Variants in RNASE10 observed in about 807,000 individuals in gnomAD.
RNASE10 encodes ribonuclease A family member 10 (inactive).
Under a neutral mutation model 1.1 loss-of-function variants are expected in RNASE10, and 2 were observed. That is an observed-to-expected ratio of 1.82 (90% CI 0.74 to 5.73). The LOEUF (loss-of-function observed/expected upper bound fraction) is 5.73, where lower values mean the gene tolerates loss of function less well. RNASE10 is among the 30% of genes most tolerant of loss of function. The pLI is 0.05. For synonymous variants in RNASE10, 97 were observed against 96.2 expected (o/e 1.01, Z -0.05); for missense variants, 276 against 263.4 (o/e 1.05, Z -0.33).
chr14:20,507,787 G>A (rs1443454936), intron 1 of RNASE10, among the ~76,000 whole-genome samples: 1 of 151,570 alleles, frequency 6.6e-6, no homozygotes, highest in Non-Finnish European at 1.5e-5. Flanking sequence ...CACTCCGGTT[G>A]CCCAGGCTGG....
chr14:20,510,570 C>A (rs1313458422), exon 2 of RNASE10: 10 of 1,614,070 alleles, frequency 6.2e-6, no homozygotes, highest in Non-Finnish European at 8.5e-6. Context: ...CTACAGCAGT[C>A]TTGGAGGAGA....
chr14:20,509,068 ATC>A (rs1882830097), intron 1 of RNASE10, among the ~76,000 whole-genome samples: 1 of 151,342 alleles, frequency 6.6e-6, no homozygotes, highest in Admixed American at 6.6e-5. Context: ...TCTCCTTAGG[ATC>A]TTCTTTTTTT....
At chr14:20,508,558 A>G (rs983359824) in intron 1 of RNASE10, among the ~76,000 whole-genome samples, 1 of 152,124 alleles carries the variant, frequency 6.6e-6, no homozygotes, top group Non-Finnish European at 1.5e-5. Context: ...TTTACCTAGT[A>G]ATAGCCGCAA....
chr14:20,510,888 A>C (rs1360568310), exon 2 of RNASE10: 1 of 1,614,186 alleles, frequency 6.2e-7, no homozygotes, highest in East Asian at 2.2e-5. Context: ...CCCAGTATGC[A>C]TTCATCCATG....
At chr14:20,507,657 A>C (rs1882787110) in intron 1 of RNASE10, among the ~76,000 whole-genome samples, 1 of 151,944 alleles carries the variant, frequency 6.6e-6, no homozygotes, top group African/African-American at 2.4e-5. Flanking sequence ...CTTTACAAAC[A>C]AATGTGATAA....
At chr14:20,513,612 T>C (rs76650365), downstream of RNASE10, among the ~76,000 whole-genome samples, 29 of 152,348 alleles carry the variant, frequency 1.9e-4, no homozygotes, top group East Asian at 5.2e-3. Flanking sequence ...AGATTGACAA[T>C]GTGAGGCTAT....
At chr14:20,511,914 G>A (rs1202326674), downstream of RNASE10, among the ~76,000 whole-genome samples, 1 of 151,516 alleles carries the variant, frequency 6.6e-6, no homozygotes, top group African/African-American at 2.4e-5. Flanking sequence ...GATCCTTTTA[G>A]AGATTCAGTC....
chr14:20,513,525 C>T (rs1210381286), downstream of RNASE10, among the ~76,000 whole-genome samples: 2 of 152,134 alleles, frequency 1.3e-5, no homozygotes, highest in African/African-American at 2.4e-5. Context: ...TCTACAGTAC[C>T]CAAATCTCTG....
At chr14:20,510,355 A>C (rs1173114289) in intron 1 of RNASE10, 112 bp from the exon 2 acceptor site, 1 of 1,473,468 alleles carries the variant, frequency 6.8e-7, no homozygotes, top group East Asian at 2.3e-5. Flanking sequence ...AATGTGCAGA[A>C]GACACAGGAG....
chr14:20,509,737 T>C (rs1452137758), intron 1 of RNASE10, among the ~76,000 whole-genome samples: 1 of 152,194 alleles, frequency 6.6e-6, no homozygotes, highest in African/African-American at 2.4e-5. Flanking sequence ...ACAATAAGGC[T>C]TTCTACAAGA....
At chr14:20,511,034 C>T (rs1882887173) in exon 2 of RNASE10, 1 of 1,554,428 alleles carries the variant, frequency 6.4e-7, no homozygotes, top group Non-Finnish European at 8.7e-7. Flanking sequence ...CAGGTCACTC[C>T]TAACTGCAAT....
chr14:20,510,343 G>C (rs931430411), intron 1 of RNASE10, 124 bp from the exon 2 acceptor site: 26 of 1,406,626 alleles, frequency 1.8e-5, no homozygotes, highest in Non-Finnish European at 2.1e-5. Flanking sequence ...AGAGGGTAGA[G>C]TAATGTGCAG....
chr14:20,506,271 A>G (rs1337567850), intron 1 of RNASE10, among the ~76,000 whole-genome samples: 1 of 117,582 alleles, frequency 8.5e-6, no homozygotes, highest in East Asian at 2.5e-4. Context: ...GGAAGTGAGG[A>G]GCCCATCTGC....
downstream of RNASE10, among the ~76,000 whole-genome samples, chr14:20,513,178 G>T (rs9788462): frequency 0.45 from 67,712 of 151,888 alleles, 17,688 homozygotes; most frequent in Non-Finnish European, 0.6. Flanking sequence ...TTCACTTTGG[G>T]CAAATCTCAG....
At chr14:20,510,166 A>T (rs1188513066) in intron 1 of RNASE10, among the ~76,000 whole-genome samples, 1 of 151,548 alleles carries the variant, frequency 6.6e-6, no homozygotes, top group East Asian at 1.9e-4. Flanking sequence ...AACTTTCCTC[A>T]CTGATTTCCC....
At chr14:20,506,266 T>G (rs1594439435) in intron 1 of RNASE10, among the ~76,000 whole-genome samples, 1 of 108,882 alleles carries the variant, frequency 9.2e-6, no homozygotes, top group Admixed American at 9.0e-5. Flanking sequence ...TACTGGGAAG[T>G]GAGGAGCCCA....
chr14:20,506,314 G>T (rs1257883661), intron 1 of RNASE10, among the ~76,000 whole-genome samples: 19 of 128,168 alleles, frequency 1.5e-4, no homozygotes, highest in East Asian at 4.5e-4. Flanking sequence ...AGGGAGGTGG[G>T]GGGGGTCAGC....
At chr14:20,506,425 G>A (rs1190149163) in intron 1 of RNASE10, among the ~76,000 whole-genome samples, 5 of 129,782 alleles carry the variant, frequency 3.9e-5, no homozygotes, top group South Asian at 5.2e-4. Context: ...CAGCCGTCCC[G>A]TCCGGGAGGG....
chr14:20,506,378 C>A (rs1176116728), intron 1 of RNASE10, among the ~76,000 whole-genome samples: 1 of 127,558 alleles, frequency 7.8e-6, no homozygotes, highest in South Asian at 2.7e-4. Flanking sequence ...TCTGCCCGGC[C>A]GCCCCTACTG....
Sources: gnomAD v4.1 joint callset for allele counts (sites outside exome capture counted in the v4.1 genomes callset) on GRCh38, gnomAD v4.1.1 for gene constraint, MANE v1.5 for transcripts, NCBI Gene and HGNC (gene_info 2026-07-23, HGNC 2026-07-21) for gene names.